The following SLC4A4 variants were observed in gnomAD, a reference collection of about 807,000 sequenced individuals.
SLC4A4 encodes the protein solute carrier family 4 member 4, also known as electrogenic sodium bicarbonate cotransporter 1.
SLC4A4 carries 27 observed loss-of-function variants against 111.5 expected under a neutral mutation model. The ratio of observed to expected loss-of-function variants is 0.24; its 90% CI spans 0.18 to 0.33. The LOEUF is 0.33. SLC4A4 is among the 10% of genes least tolerant of loss of function. The pLI is 1.00. For synonymous variants in SLC4A4, 443 were observed against 463.4 expected, an observed-to-expected ratio of 0.96 and a Z score of 0.57; for missense variants, 909 against 1,315.5, an observed-to-expected ratio of 0.69 and a Z score of 4.78.
chr4:71,502,882 G>C (rs944398583), intron 16 of SLC4A4, among the ~76,000 whole-genome samples: 8 of 152,138 alleles, frequency 5.3e-5, no homozygotes, highest in African/African-American at 1.9e-4. Context: ...AATGTTCCTT[G>C]TTGATTTTCT....
At chr4:71,545,827 G>A (rs1416549646) in intron 18 of SLC4A4, among the ~76,000 whole-genome samples, 1 of 152,010 alleles carries the variant, frequency 6.6e-6, no homozygotes, top group Non-Finnish European at 1.5e-5. Flanking sequence ...ACTCAGCGCT[G>A]TCCAGTAGAG....
intron 1 of SLC4A4, among the ~76,000 whole-genome samples, chr4:71,215,387 T>C (rs1202843858): frequency 2.6e-5 from 4 of 152,220 alleles, no homozygotes; most frequent in Non-Finnish European, 5.9e-5. Context: ...CAAATAATAC[T>C]CTACTCTCAG....
chr4:71,212,003 C>G (rs540753021), intron 1 of SLC4A4, among the ~76,000 whole-genome samples: 65 of 152,250 alleles, frequency 4.3e-4, no homozygotes, highest in African/African-American at 1.5e-3. Context: ...TGCTCCCTCA[C>G]CAAGGAAGCC....
At chr4:71,065,518 G>A (rs568340063) in intron 1 of SLC4A4, among the ~76,000 whole-genome samples, 1 of 152,224 alleles carries the variant, frequency 6.6e-6, no homozygotes, top group South Asian at 2.1e-4. Context: ...GCTATTTGTC[G>A]ATGAAAGGCT....
chr4:71,095,836 T>A (rs1422229246), intron 2 of SLC4A4, among the ~76,000 whole-genome samples: 2 of 152,130 alleles, frequency 1.3e-5, no homozygotes, highest in Admixed American at 1.3e-4. Flanking sequence ...CCTAAGATAA[T>A]CTGAAGGTCA....
intron 18 of SLC4A4, among the ~76,000 whole-genome samples, chr4:71,539,115 G>A (rs1369777933): frequency 3.3e-5 from 5 of 151,972 alleles, no homozygotes; most frequent in Non-Finnish European, 7.4e-5. Context: ...ATTTGAGGGT[G>A]TTCTTTTTGG....
intron 3 of SLC4A4, among the ~76,000 whole-genome samples, chr4:71,337,598 T>G (rs1468797685): frequency 2.0e-5 from 3 of 152,270 alleles, no homozygotes; most frequent in Admixed American, 2.0e-4. Flanking sequence ...TTATTTAGAA[T>G]GAATGTATTT....
rs1741444264 is a variant in SLC4A4, at chr4:71,063,685, T to C, written c.-65+897T>C. Among the ~76,000 whole-genome samples the C allele has an allele frequency of 2.0e-5, 3 of 152,152 alleles. No individual in the cohort carries two copies. In the South Asian group the frequency reaches 6.2e-4, roughly 32 times the overall value. On this transcript the variant is annotated intron_variant, in intron 1 of 26. Coordinates refer to the SLC4A4 transcript ENST00000649996. ...AAGATGAAATTTATTGTTTCATACC[T>C]GTTCCAAAGTTGGTATTTTTCTTGT...
At chr4:71,387,372 TAAAA>T (rs962279161) in intron 6 of SLC4A4, among the ~76,000 whole-genome samples, 1 of 152,178 alleles carries the variant, frequency 6.6e-6, no homozygotes, top group Non-Finnish European at 1.5e-5. Flanking sequence ...TATACTTTTG[TAAAA>T]AGTGTTTTTT....
At chr4:71,486,638 G>T (rs1729427943) in intron 14 of SLC4A4, among the ~76,000 whole-genome samples, 1 of 149,862 alleles carries the variant, frequency 6.7e-6, no homozygotes, top group Non-Finnish European at 1.5e-5. Flanking sequence ...AAAATATATT[G>T]AGTACCTTGT....
intron 18 of SLC4A4, among the ~76,000 whole-genome samples, chr4:71,536,487 TG>T (rs1470185869): frequency 8.6e-6 from 1 of 116,576 alleles, no homozygotes; most frequent in Non-Finnish European, 1.9e-5. Flanking sequence ...TATATATATA[TG>T]TATATATTTA....
Position 71,151,740 on chromosome 4 carries a change from G to A in SLC4A4, c.-2+58948G>A, listed in dbSNP as rs191702609. Reference sequence around the variant, plus strand: ...TCAAGGCTAGCTTGGGCAACATAGGGAGATCCCATTTCTACTAAAAAAAAA... The same window carrying A: ...TCAAGGCTAGCTTGGGCAACATAGGAAGATCCCATTTCTACTAAAAAAAAA... On this transcript the variant is annotated intron_variant, in intron 2 of 26. Coordinates refer to the SLC4A4 transcript ENST00000649996. Among the ~76,000 whole-genome samples, 61 of 148,486 alleles carry A rather than the reference G, an allele frequency of 4.1e-4. No individual in the cohort carries two copies. In the East Asian group the frequency reaches 0.011, roughly 26 times the overall value.
intron 3 of SLC4A4, among the ~76,000 whole-genome samples, chr4:71,325,222 T>G (rs943604807): frequency 6.6e-6 from 1 of 151,756 alleles, no homozygotes; most frequent in Non-Finnish European, 1.5e-5. Flanking sequence ...TGTACACATC[T>G]CTCCAAAACT....
At chr4:71,080,904 GA>G (rs1276568411) in intron 1 of SLC4A4, among the ~76,000 whole-genome samples, 4 of 152,026 alleles carry the variant, frequency 2.6e-5, no homozygotes, top group Non-Finnish European at 5.9e-5. Flanking sequence ...GGTAAATGAA[GA>G]TATTCTTATC....
At position 71,460,358 on chromosome 4, in the gene SLC4A4, C is replaced by T. The variant is rs901983953; in HGVS notation, c.1498-6086C>T. ...CCTAATGTTTCCGATGATCCAGATA[C>T]GTATTCACAGCTCTTCAAACAAAAA... is the stretch of plus-strand genomic sequence containing the variant. On this transcript the variant is annotated intron_variant, in intron 12 of 25. Coordinates refer to ENST00000264485, the MANE Select transcript of SLC4A4 (RefSeq NM_001098484.3). Among the ~76,000 whole-genome samples, 4 of 152,156 alleles carry T rather than the reference C, an allele frequency of 2.6e-5. No homozygotes were observed. In the East Asian group the frequency reaches 5.8e-4, roughly 22 times the overall value.
chr4:71,143,031 T>C lies in SLC4A4; in HGVS notation c.-2+50239T>C, dbSNP rs541650697. ...GTTACATATGTATACATGTGCCATG[T>C]TGGTGTGCTGCACCCAGTAACTCGT... On this transcript the variant is annotated intron_variant, in intron 2 of 26. Transcript: ENST00000649996. 2.0e-3 allele frequency among the ~76,000 whole-genome samples: 305 copies of C among 152,152 alleles called. 1 individual carries two copies. Among genetic ancestry groups the C allele is most frequent in the Middle Eastern group, 0.017 (5 of 292 alleles).
intron 7 of SLC4A4, among the ~76,000 whole-genome samples, chr4:71,421,452 C>A (rs1225681572): frequency 6.6e-6 from 1 of 152,058 alleles, no homozygotes; most frequent in Admixed American, 6.6e-5. Flanking sequence ...ACAAGGATAT[C>A]CAGGAATTGA....
intron 3 of SLC4A4, among the ~76,000 whole-genome samples, chr4:71,256,750 C>T (rs1457120923): frequency 2.0e-5 from 3 of 152,128 alleles, no homozygotes; most frequent in Non-Finnish European, 4.4e-5. Context: ...TCTGGAGGAA[C>T]AAAAGATAAC....
intron 1 of SLC4A4, among the ~76,000 whole-genome samples, chr4:71,192,752 C>G (rs1745791572): frequency 1.3e-5 from 2 of 152,116 alleles, no homozygotes; most frequent in African/African-American, 4.8e-5. Flanking sequence ...CAGTGGACAT[C>G]TCAGCGATTT....
Sources: allele counts gnomAD v4.1 joint callset (sites outside exome capture counted in the v4.1 genomes callset), GRCh38; gene constraint gnomAD v4.1.1; transcripts MANE v1.5; gene names NCBI Gene and HGNC (gene_info 2026-07-23, HGNC 2026-07-21).